Variants in PDCD11 observed in about 807,000 individuals in gnomAD.
PDCD11 encodes protein RRP5 homolog.
PDCD11 carries 97 observed loss-of-function variants against 198.9 expected under a neutral mutation model. The observed-to-expected ratio is 0.49, with a 90% CI of 0.41 to 0.58. The LOEUF is 0.58. Among genes scored for constraint, PDCD11 ranks in the 20% least tolerant of loss-of-function variants. The pLI is 0.00. For synonymous variants in PDCD11, 893 were observed against 918.0 expected (o/e 0.97, Z 0.49); for missense variants, 2,102 against 2,312.7 (o/e 0.91, Z 1.87).
intron 19 of PDCD11, among the ~76,000 whole-genome samples, chr10:103,424,409 A>G (rs2031591651): frequency 6.6e-6 from 1 of 152,246 alleles, no homozygotes; most frequent in Admixed American, 6.5e-5. Context: ...AATGGAAAGC[A>G]ATACTAACCT....
intron 8 of PDCD11, among the ~76,000 whole-genome samples, chr10:103,411,593 C>G (rs1439424723): frequency 1.3e-5 from 2 of 152,066 alleles, no homozygotes; most frequent in Non-Finnish European, 2.9e-5. Flanking sequence ...TCTTAAACAC[C>G]TGGGCTCAAA....
intron 25 of PDCD11, among the ~76,000 whole-genome samples, chr10:103,435,752 A>T (rs1001842382): frequency 2.0e-5 from 3 of 152,198 alleles, no homozygotes; most frequent in African/African-American, 7.2e-5. Flanking sequence ...ACCTCAGGTG[A>T]TCTGCCCATC....
chr10:103,445,374 A>G lies in PDCD11; in HGVS notation c.5445-4A>G, dbSNP rs1034973999. On this transcript the variant is annotated splice_polypyrimidine_tract_variant and splice_region_variant and intron_variant, in intron 35 of 35. Coordinates refer to ENST00000369797, the MANE Select transcript of PDCD11 (RefSeq NM_014976.2). ...GCAAATGCCACTCTGCTTTTCCTCA[A>G]CAGGGACATCTTTGAGCGGGTCATT... The G allele has an allele frequency of 5.6e-6, 9 of 1,614,130 alleles. No individual in the cohort carries two copies. The highest frequency in any genetic ancestry group is 5.3e-5 in the African/African-American group (4 of 75,060).
intron 21 of PDCD11, among the ~76,000 whole-genome samples, chr10:103,428,573 G>A (rs181805884): frequency 2.0e-5 from 3 of 152,290 alleles, no homozygotes; most frequent in Admixed American, 2.0e-4. Context: ...GACATGTGAT[G>A]TCTTGTTTTA....
intron 25 of PDCD11, among the ~76,000 whole-genome samples, chr10:103,435,566 A>G (rs1395792803): frequency 6.6e-6 from 1 of 152,058 alleles, no homozygotes; most frequent in African/African-American, 2.4e-5. Context: ...CGTAGGCTGG[A>G]GTGCAGTGGC....
At chr10:103,412,990 T>C (rs2030891818) in intron 8 of PDCD11, 126 bp from the exon 9 acceptor site, 26 of 707,920 alleles carry the variant, frequency 3.7e-5, no homozygotes, top group Admixed American at 1.7e-4. Context: ...TTTGAGTACT[T>C]ACATACTAAG....
chr10:103,414,405 G>A (rs1251043730), intron 11 of PDCD11, 75 bp downstream of exon 11: 13 of 1,010,918 alleles, frequency 1.3e-5, no homozygotes, highest in Middle Eastern at 2.1e-4. Flanking sequence ...GTGACTGTCA[G>A]CCCGTTAGTC....
chr10:103,436,451 C>T (rs990968605), intron 25 of PDCD11, among the ~76,000 whole-genome samples: 7 of 152,212 alleles, frequency 4.6e-5, no homozygotes, highest in Admixed American at 4.6e-4. Flanking sequence ...ATTTCAGCTG[C>T]ATCCAGTAGT....
rs1300089529 is a variant in PDCD11 at position 103,413,261 on chromosome 10, G to A, written c.1124G>A (p.Gly375Asp). 6.2e-7 allele frequency: 1 copy of A among 1,614,150 alleles called. No individual in the cohort carries two copies. The highest frequency in any genetic ancestry group is 1.1e-5 in the South Asian group (1 of 91,080). Residue 375 changes from glycine to aspartate, a missense_variant, in exon 9 of 36, where the codon GGT (glycine) becomes GAT (aspartate). Physicochemically the swap from Gly to Asp is moderately conservative, Grantham distance 94. Coordinates refer to ENST00000369797, the MANE Select transcript of PDCD11 (RefSeq NM_014976.2). ...GAVLDDVPVQ[G>D]FFKKAGATFR... Reference sequence around the variant, plus strand: ...GTGCTGGATGATGTTCCTGTCCAGGGTTTTTTCAAAAAGGCTGGGGCCACC... The same window carrying A: ...GTGCTGGATGATGTTCCTGTCCAGGATTTTTTCAAAAAGGCTGGGGCCACC...
chr10:103,398,724 A>C (rs1332088529), intron 2 of PDCD11, among the ~76,000 whole-genome samples, 196 bp downstream of exon 2: 1 of 152,170 alleles, frequency 6.6e-6, no homozygotes, highest in Non-Finnish European at 1.5e-5. Flanking sequence ...TTTAGTATTA[A>C]AGTACTGTTA....
chr10:103,417,693 A>G, intron 13 of PDCD11, 99 bp from the exon 14 acceptor site: 1 of 1,275,960 alleles, frequency 7.8e-7, no homozygotes, highest in Admixed American at 2.2e-5. Flanking sequence ...AAGGCTCGGT[A>G]GATCTCCCAA....
rs751254519 is a variant in PDCD11 at position 103,434,868 on chromosome 10, G to C, written c.3738G>C (p.Leu1246=). ...RVVKVTPNEG[L]TVSFPFGKIG... ...TGAAGGTGACTCCCAACGAGGGGCT[G>C]ACCGTCTCCTTCCCCTTTGGGAAGA... The change falls in exon 25 of 36, where the codon CTG becomes CTC. Residue 1246 remains leucine, a synonymous_variant. Transcript: ENST00000369797. 1.2e-6 allele frequency: 2 copies of C among 1,612,926 alleles called. No individual in the cohort carries two copies. The highest frequency in any genetic ancestry group is 1.3e-5 in the African/African-American group (1 of 74,794).
At chr10:103,434,105 TG>T in intron 23 of PDCD11, 68 bp downstream of exon 23, 1 of 1,352,414 alleles carries the variant, frequency 7.4e-7, no homozygotes, top group Non-Finnish European at 1.1e-6. Context: ...GCCTGGTGTG[TG>T]GGTTTACAGT....
At chr10:103,441,440 A>C (rs1284135810) in intron 30 of PDCD11, among the ~76,000 whole-genome samples, 1 of 152,024 alleles carries the variant, frequency 6.6e-6, no homozygotes, top group African/African-American at 2.4e-5. Context: ...GTATTAGTAG[A>C]GAGGGGGTTT....
At chr10:103,439,914 C>G (rs776433687) in intron 28 of PDCD11, 46 bp downstream of exon 28, 33 of 1,611,002 alleles carry the variant, frequency 2.0e-5, no homozygotes, top group Non-Finnish European at 2.8e-5. Context: ...TGAATCAAAC[C>G]CCTTTCTCCA....
intron 8 of PDCD11, among the ~76,000 whole-genome samples, chr10:103,410,767 C>T (rs1235333229): frequency 1.3e-5 from 2 of 151,784 alleles, no homozygotes; most frequent in Non-Finnish European, 2.9e-5. Context: ...GCCACAATGC[C>T]TGGCTAGTTA....
At chr10:103,419,169 G>T (rs2031284609) in intron 15 of PDCD11, among the ~76,000 whole-genome samples, 1 of 152,128 alleles carries the variant, frequency 6.6e-6, no homozygotes, top group African/African-American at 2.4e-5. Context: ...GTAGAGGATT[G>T]TGTGATGGCT....
chr10:103,413,812 G>A (rs750127105), intron 9 of PDCD11, among the ~76,000 whole-genome samples, 154 bp from the exon 10 acceptor site: 4 of 152,210 alleles, frequency 2.6e-5, no homozygotes, highest in Non-Finnish European at 4.4e-5. Flanking sequence ...ATGATAAAGA[G>A]CAGTTTTTTA....
chr10:103,409,579 G>A (rs886127523), intron 7 of PDCD11, 120 bp from the exon 8 acceptor site: 3 of 671,872 alleles, frequency 4.5e-6, no homozygotes, highest in Admixed American at 5.0e-5. Context: ...AGAGTTACCT[G>A]GGAGAGGAGA....
Sources: allele counts gnomAD v4.1 joint callset (sites outside exome capture counted in the v4.1 genomes callset), GRCh38; gene constraint gnomAD v4.1.1; transcripts MANE v1.5; gene names NCBI Gene and HGNC (gene_info 2026-07-23, HGNC 2026-07-21).